DPP10: variants seen among roughly 807,000 people sequenced by gnomAD.
DPP10 encodes inactive dipeptidyl peptidase 10.
In DPP10, 33 loss-of-function variants were observed where a neutral mutation model predicts 120.9. The observed-to-expected ratio is 0.27, with a 90% CI of 0.21 to 0.37. The LOEUF is 0.37. Ranked by LOEUF, DPP10 falls within the 10% of genes least tolerant of loss-of-function variation. The probability of loss-of-function intolerance (pLI) is 1.00; values close to 1 mark genes in which losing one functional copy is unlikely to be tolerated. For missense variants in DPP10, 816 were observed against 942.8 expected (o/e 0.87, Z 1.76); for synonymous variants, 337 against 326.1 (o/e 1.03, Z -0.36).
chr2:114,522,195 G>A (rs796293957), intron 1 of DPP10, among the ~76,000 whole-genome samples: 18 of 150,834 alleles, frequency 1.2e-4, no homozygotes, highest in African/African-American at 1.9e-4. Flanking sequence ...CGTTTTAGCC[G>A]GGATGGTCTC....
intron 3 of DPP10, among the ~76,000 whole-genome samples, chr2:115,377,121 C>T (rs536013472): frequency 9.9e-5 from 15 of 152,236 alleles, no homozygotes; most frequent in African/African-American, 1.2e-4. Context: ...CTGGAGGAGT[C>T]GCCACACTGA....
At chr2:115,530,665 G>A (rs1031500608) in intron 5 of DPP10, among the ~76,000 whole-genome samples, 1 of 144,370 alleles carries the variant, frequency 6.9e-6, no homozygotes, top group Non-Finnish European at 1.5e-5. Flanking sequence ...GAGTGACAGG[G>A]CAAGACTCTG....
intron 3 of DPP10, among the ~76,000 whole-genome samples, chr2:115,364,211 T>C (rs564549495): frequency 2.0e-5 from 3 of 152,132 alleles, no homozygotes; most frequent in Non-Finnish European, 4.4e-5. Flanking sequence ...CTTTCTTTCT[T>C]ATCTGTTTTG....
At chr2:115,445,204 C>T (rs1427886246) in intron 3 of DPP10, among the ~76,000 whole-genome samples, 1 of 152,090 alleles carries the variant, frequency 6.6e-6, no homozygotes, top group Non-Finnish European at 1.5e-5. Context: ...AAATCTCTTT[C>T]CTTTATGAAT....
chr2:115,536,697 A>G (rs887844508), intron 5 of DPP10, among the ~76,000 whole-genome samples: 2 of 152,026 alleles, frequency 1.3e-5, no homozygotes, highest in Non-Finnish European at 2.9e-5. Flanking sequence ...TAAATGAACA[A>G]ACATAAACAA....
intron 1 of DPP10, among the ~76,000 whole-genome samples, chr2:115,154,666 T>A (rs1331233418): frequency 2.0e-5 from 3 of 152,004 alleles, no homozygotes; most frequent in Non-Finnish European, 4.4e-5. Flanking sequence ...AAGATTTTTT[T>A]TTCAAAGAGC....
chr2:115,354,925 C>A (rs2064274891), intron 3 of DPP10, among the ~76,000 whole-genome samples: 1 of 152,086 alleles, frequency 6.6e-6, no homozygotes, highest in African/African-American at 2.4e-5. Flanking sequence ...ATATATGTAC[C>A]ACATTTTCTT....
intron 1 of DPP10, among the ~76,000 whole-genome samples, chr2:114,895,114 G>C (rs996548140): frequency 1.3e-5 from 2 of 152,124 alleles, no homozygotes; most frequent in Non-Finnish European, 2.9e-5. Context: ...AAGGGTAGAG[G>C]AAGTGTTCAG....
chr2:115,126,630 T>A (rs1433819761), intron 1 of DPP10, among the ~76,000 whole-genome samples: 1 of 152,224 alleles, frequency 6.6e-6, no homozygotes, highest in East Asian at 1.9e-4. Context: ...GAGTTGTTTT[T>A]TACAGTGAAG....
At position 115,087,533 on chromosome 2, in the gene DPP10, C is replaced by CTTTTTTTTTTTTTTT. The variant is rs1310507943; in HGVS notation, c.61-221702_61-221701insTTTTTTTTTTTTTTT. On this transcript the variant is annotated intron_variant, in intron 1 of 25. Transcript: ENST00000410059. Reference sequence around the variant, plus strand: ...TCTTTTTCTTTCTTTCTTTTCTTTTCTTTTCTTTTTTTTTTTTTTTTTTGA... The same window carrying CTTTTTTTTTTTTTTT: ...TCTTTTTCTTTCTTTCTTTTCTTTTCTTTTTTTTTTTTTTTTTTTCTTTTTTTTTTTTTTTTTTGA... 7.5e-4 allele frequency among the ~76,000 whole-genome samples: 69 copies of CTTTTTTTTTTTTTTT among 92,582 alleles called. 1 individual carries two copies. Among genetic ancestry groups the CTTTTTTTTTTTTTTT allele is most frequent in the Non-Finnish European group, 1.0e-3 (46 of 45,480 alleles). 60.7% of individuals were successfully genotyped at this position (92,582 alleles called of 152,430 possible).
intron 1 of DPP10, among the ~76,000 whole-genome samples, chr2:114,786,380 G>T (rs1682768163): frequency 6.6e-6 from 1 of 152,190 alleles, no homozygotes; most frequent in South Asian, 2.1e-4. Flanking sequence ...GGAGAATAAT[G>T]GATGGAGAAA....
intron 1 of DPP10, among the ~76,000 whole-genome samples, chr2:114,770,211 A>G (rs1681127069): frequency 6.6e-6 from 1 of 152,182 alleles, no homozygotes; most frequent in African/African-American, 2.4e-5. Flanking sequence ...TCTGGGGAAG[A>G]GTGAGCCCGG....
Position 114,484,009 on chromosome 2 carries a change from G to A in DPP10, c.60+41171G>A, listed in dbSNP as rs76280249. ...CAAGTCACTGTAGACTTTTGAGTCCGAGCCCTTTGTGTCACTCTGAGACTG... is the reference window on the plus strand; with the variant it reads ...CAAGTCACTGTAGACTTTTGAGTCCAAGCCCTTTGTGTCACTCTGAGACTG... On this transcript the variant is annotated intron_variant, in intron 1 of 25. Transcript: ENST00000410059. Among the ~76,000 whole-genome samples the A allele has an allele frequency of 1.6e-4, 25 of 152,182 alleles. 1 individual carries two copies. The highest frequency in any genetic ancestry group is 9.6e-4 in the East Asian group (5 of 5,188).
intron 5 of DPP10, among the ~76,000 whole-genome samples, chr2:115,561,730 T>C (rs6744736): frequency 0.3 from 45,599 of 152,108 alleles, 7,429 homozygotes; most frequent in East Asian, 0.64. Context: ...AGACGTATTA[T>C]TGATTTTCTT....
At chr2:114,605,150 A>C (rs115391145) in intron 1 of DPP10, among the ~76,000 whole-genome samples, 2 of 152,212 alleles carry the variant, frequency 1.3e-5, no homozygotes, top group African/African-American at 2.4e-5. Flanking sequence ...ATTGCTATGG[A>C]TTGATGTTAG....
intron 1 of DPP10, among the ~76,000 whole-genome samples, chr2:114,819,798 C>T (rs777652919): frequency 4.6e-5 from 7 of 152,138 alleles, no homozygotes; most frequent in East Asian, 1.9e-4. Context: ...TTATCAAAAC[C>T]GGAAGCACAG....
chr2:115,766,310 G>GTGTGTATATATA (rs1371625141), intron 12 of DPP10, among the ~76,000 whole-genome samples: 4 of 81,744 alleles, frequency 4.9e-5, no homozygotes, highest in African/African-American at 8.7e-5. Flanking sequence ...GTGTGTGTGT[G>GTGTGTATATATA]TATATATATA....
chr2:115,502,959 T>A (rs2076760643), intron 4 of DPP10, among the ~76,000 whole-genome samples: 1 of 151,998 alleles, frequency 6.6e-6, no homozygotes, highest in Non-Finnish European at 1.5e-5. Context: ...TCTGGTGGCC[T>A]CACAAAGCAC....
At chr2:114,955,747 T>C (rs1398786103) in intron 1 of DPP10, among the ~76,000 whole-genome samples, 1 of 152,188 alleles carries the variant, frequency 6.6e-6, no homozygotes, top group Non-Finnish European at 1.5e-5. Context: ...TTATTCACCA[T>C]GATCAAGTGA....
Sources: allele counts gnomAD v4.1 joint callset (sites outside exome capture counted in the v4.1 genomes callset), GRCh38; gene constraint gnomAD v4.1.1; transcripts MANE v1.5; gene names NCBI Gene and HGNC (gene_info 2026-07-23, HGNC 2026-07-21).